TPD52L1: variants seen among roughly 807,000 people sequenced by gnomAD.
The protein encoded by TPD52L1 is tumor protein D53.
TPD52L1 carries 18 observed loss-of-function variants against 28.7 expected under a neutral mutation model. The ratio of observed to expected loss-of-function variants is 0.63; its 90% CI spans 0.43 to 0.93. The LOEUF (loss-of-function observed/expected upper bound fraction) is 0.93, where lower values mean the gene tolerates loss of function less well. Among genes scored for constraint, TPD52L1 ranks in the 40% least tolerant of loss-of-function variants. The pLI is 0.00. For missense variants in TPD52L1, 203 were observed against 254.8 expected, an observed-to-expected ratio of 0.80 and a Z score of 1.39; for synonymous variants, 75 against 88.8, an observed-to-expected ratio of 0.84 and a Z score of 0.88.
intron 1 of TPD52L1, among the ~76,000 whole-genome samples, chr6:125,187,783 T>C (rs1281798675): frequency 2.0e-5 from 3 of 152,142 alleles, no homozygotes; most frequent in Admixed American, 6.5e-5. Context: ...TGTACACACA[T>C]ACACACACAC....
intron 1 of TPD52L1, among the ~76,000 whole-genome samples, chr6:125,154,919 A>T (rs1474558665): frequency 5.3e-5 from 8 of 150,462 alleles, no homozygotes; most frequent in Non-Finnish European, 1.2e-4. Context: ...CTTAGTATAG[A>T]TAAAATCTCA....
Position 125,229,113 on chromosome 6 carries a change from T to C in TPD52L1, c.136-5T>C, listed in dbSNP as rs750065398. On this transcript the variant is annotated splice_polypyrimidine_tract_variant and splice_region_variant and intron_variant, in intron 2 of 6. Coordinates refer to ENST00000534000, the MANE Select transcript of TPD52L1 (RefSeq NM_003287.4). Reference sequence around the variant, plus strand: ...TTCCCCCACCATTTCCCCTCCGCCTTGTAGCTAGAAGACGAAATTACAACA... The same window carrying C: ...TTCCCCCACCATTTCCCCTCCGCCTCGTAGCTAGAAGACGAAATTACAACA... The C allele has an allele frequency of 6.8e-6, 11 of 1,611,338 alleles. No homozygotes were observed. Among genetic ancestry groups the C allele is most frequent in the Non-Finnish European group, 9.3e-6 (11 of 1,179,044 alleles).
intron 1 of TPD52L1, among the ~76,000 whole-genome samples, chr6:125,185,949 A>G (rs1338246120): frequency 7.0e-6 from 1 of 142,112 alleles, no homozygotes; most frequent in African/African-American, 2.7e-5. Flanking sequence ...GCTAGAGTGC[A>G]GTGGCATGAT....
At chr6:125,156,353 C>T (rs887936700) in intron 1 of TPD52L1, among the ~76,000 whole-genome samples, 3 of 150,656 alleles carry the variant, frequency 2.0e-5, no homozygotes, top group East Asian at 2.0e-4. Context: ...GTAGGCCTAG[C>T]TACTTGGAAG....
chr6:125,190,546 C>G (rs1792966255), intron 1 of TPD52L1, among the ~76,000 whole-genome samples: 2 of 152,122 alleles, frequency 1.3e-5, no homozygotes, highest in African/African-American at 2.4e-5. Context: ...ATTACATTTA[C>G]TGAGCACTTT....
At chr6:125,210,312 C>A (rs1256989641) in intron 1 of TPD52L1, among the ~76,000 whole-genome samples, 1 of 152,220 alleles carries the variant, frequency 6.6e-6, no homozygotes, top group African/African-American at 2.4e-5. Context: ...ACTGTCCTAC[C>A]AATAACTGAC....
chr6:125,200,472 A>G (rs1214313898), intron 1 of TPD52L1, among the ~76,000 whole-genome samples: 1 of 152,238 alleles, frequency 6.6e-6, no homozygotes, highest in East Asian at 1.9e-4. Context: ...AGTAAATACA[A>G]ATTTTAAAAA....
chr6:125,246,080 C>A (rs2873640), intron 3 of TPD52L1, among the ~76,000 whole-genome samples: 93,499 of 152,082 alleles, frequency 0.61, 31,243 homozygotes, highest in African/African-American at 0.88. Flanking sequence ...AGTTATATAC[C>A]TTCCCTGGGC....
intron 1 of TPD52L1, among the ~76,000 whole-genome samples, chr6:125,205,174 T>G (rs1479491512): frequency 6.6e-6 from 1 of 152,200 alleles, no homozygotes; most frequent in Non-Finnish European, 1.5e-5. Context: ...TAATCACCAT[T>G]GTGTAAACTG....
chr6:125,191,791 C>T (rs940305186), intron 1 of TPD52L1, among the ~76,000 whole-genome samples: 4 of 152,082 alleles, frequency 2.6e-5, no homozygotes, highest in African/African-American at 7.2e-5. Flanking sequence ...TGTTTTTTCT[C>T]CCCCTCCCTT....
chr6:125,256,391 G>T (rs1438867854), intron 5 of TPD52L1, among the ~76,000 whole-genome samples: 2 of 152,266 alleles, frequency 1.3e-5, no homozygotes, highest in East Asian at 1.9e-4. Flanking sequence ...GTTCTATTTG[G>T]TAAGAGAACA....
At chr6:125,254,316 A>G (rs1187310891) in intron 5 of TPD52L1, among the ~76,000 whole-genome samples, 1 of 152,240 alleles carries the variant, frequency 6.6e-6, no homozygotes, top group African/African-American at 2.4e-5. Context: ...TCAAGTTTGC[A>G]TGGCATAGTG....
chr6:125,249,364 C>T (rs1259266367), intron 4 of TPD52L1, among the ~76,000 whole-genome samples: 1 of 151,096 alleles, frequency 6.6e-6, no homozygotes, highest in African/African-American at 2.4e-5. Context: ...GATTCTTAAA[C>T]TGTTACTTTT....
intron 3 of TPD52L1, among the ~76,000 whole-genome samples, chr6:125,243,776 T>C (rs922428728): frequency 2.6e-5 from 4 of 152,272 alleles, no homozygotes; most frequent in Admixed American, 2.0e-4. Flanking sequence ...AGTAGCACAA[T>C]TCTGAATTCT....
At chr6:125,247,238 C>T (rs887131548) in intron 3 of TPD52L1, among the ~76,000 whole-genome samples, 3 of 151,780 alleles carry the variant, frequency 2.0e-5, no homozygotes, top group African/African-American at 7.3e-5. Context: ...CTGGGAGCAG[C>T]ATAAATCAGA....
At chr6:125,154,522 C>G (rs1286492562) in intron 1 of TPD52L1, 13 of 974,172 alleles carry the variant, frequency 1.3e-5, no homozygotes, top group Non-Finnish European at 1.4e-5. Flanking sequence ...TGACCTCCAG[C>G]AGATCCACAC....
chr6:125,208,234 A>T (rs568372538), intron 1 of TPD52L1, among the ~76,000 whole-genome samples: 1 of 152,346 alleles, frequency 6.6e-6, no homozygotes, highest in South Asian at 2.1e-4. Context: ...AGGCCAAGAT[A>T]TCATTAGAGA....
At chr6:125,180,742 T>C (rs374027897) in intron 1 of TPD52L1, among the ~76,000 whole-genome samples, 18 of 152,322 alleles carry the variant, frequency 1.2e-4, no homozygotes, top group African/African-American at 4.1e-4. Flanking sequence ...AACACTTGTT[T>C]CCTGGTCCTT....
rs935163276 is a variant in TPD52L1, at chr6:125,248,101, C to T, written c.285-181C>T. Among the ~76,000 whole-genome samples the T allele has an allele frequency of 3.3e-5, 5 of 152,172 alleles. No homozygotes were observed. In the East Asian group the frequency reaches 7.7e-4, roughly 23 times the overall value. On this transcript the variant is annotated intron_variant, in intron 3 of 6. Coordinates refer to ENST00000534000, the MANE Select transcript of TPD52L1 (RefSeq NM_003287.4). ...AATTCAGATTTAATGGTCTGACTTTCCTTCTGATGAACAGCAGCCAACCCA... is the reference window on the plus strand; with the variant it reads ...AATTCAGATTTAATGGTCTGACTTTTCTTCTGATGAACAGCAGCCAACCCA...
Sources: allele counts gnomAD v4.1 joint callset (sites outside exome capture counted in the v4.1 genomes callset), GRCh38; gene constraint gnomAD v4.1.1; transcripts MANE v1.5; gene names NCBI Gene and HGNC (gene_info 2026-07-23, HGNC 2026-07-21).